Variants in FANCD2 observed in about 807,000 individuals in gnomAD.
The protein encoded by FANCD2 is Fanconi anemia group D2 protein.
Under a neutral mutation model 192.3 loss-of-function variants are expected in FANCD2, and 131 were observed. The observed-to-expected ratio is 0.68, with a 90% confidence interval of 0.59 to 0.79. FANCD2 has a LOEUF of 0.79. FANCD2 is among the 30% of genes least tolerant of loss of function. FANCD2 has a pLI of 0.00. For missense variants in FANCD2, 1,508 were observed against 1,701.6 expected (o/e 0.89, Z 2.00); for synonymous variants, 524 against 612.5 (o/e 0.86, Z 2.13).
chr3:10,087,098 C>G lies in FANCD2; in HGVS notation c.3336-36C>G, dbSNP rs751819584. On this transcript the variant is annotated intron_variant, in intron 33 of 43. Coordinates refer to ENST00000675286, the MANE Select transcript of FANCD2 (RefSeq NM_001018115.3). ...AAATATATCTGTGACACATAGGATA[C>G]TATTGCATTTGTTTGTTTTTCTTGT... The G allele has an allele frequency of 9.3e-6, 15 of 1,611,984 alleles. No individual in the cohort carries two copies. In the South Asian group the frequency reaches 1.4e-4, roughly 15 times the overall value.
At chr3:10,042,402 A>G (rs1426836208) in intron 10 of FANCD2, among the ~76,000 whole-genome samples, 157 bp from the exon 11 acceptor site, 1 of 152,228 alleles carries the variant, frequency 6.6e-6, no homozygotes, top group Non-Finnish European at 1.5e-5. Context: ...AAAAGATTCT[A>G]ATTTGGGGAA....
chr3:10,086,605 C>G (rs1694221824), intron 33 of FANCD2, among the ~76,000 whole-genome samples: 1 of 152,088 alleles, frequency 6.6e-6, no homozygotes, highest in Admixed American at 6.6e-5. Context: ...CCTCAGCCTC[C>G]CAAGACGCTG....
At position 10,036,086 on chromosome 3, in the gene FANCD2, C is replaced by CTTTTTTT. The variant is rs532765216; in HGVS notation, c.439-188_439-182dup. ...TAGTTGGAAAGAGAATTATACATTT[C>CTTTTTTT]TTTTTTTTTTTTTTTTTTTGAGTCA... On this transcript the variant is annotated intron_variant, in intron 6 of 43. Transcript: ENST00000675286. Among the ~76,000 whole-genome samples, 51 of 102,574 alleles carry CTTTTTTT rather than the reference C, an allele frequency of 5.0e-4. 3 individuals carry two copies. Among genetic ancestry groups the CTTTTTTT allele is most frequent in the African/African-American group, 1.2e-3 (29 of 23,984 alleles). The allele number at this position is 102,574 out of a possible 152,430, so 67.3% of individuals were successfully genotyped here.
intron 26 of FANCD2, among the ~76,000 whole-genome samples, chr3:10,071,778 G>T (rs1176204623): frequency 1.3e-5 from 2 of 152,144 alleles, no homozygotes; most frequent in Non-Finnish European, 2.9e-5. Context: ...TTGTATTTTT[G>T]AGATGGAGTC....
chr3:10,064,923 A>G (rs750088699), intron 23 of FANCD2, 48 bp downstream of exon 23: 9 of 1,602,744 alleles, frequency 5.6e-6, no homozygotes, highest in Non-Finnish European at 7.7e-6. Flanking sequence ...TTGAATGTTC[A>G]TGGGGAATTC....
chr3:10,034,585 A>C (rs2086684612), intron 4 of FANCD2, 49 bp downstream of exon 4: 2 of 1,546,776 alleles, frequency 1.3e-6, no homozygotes, highest in Non-Finnish European at 8.9e-7. Context: ...ATAACTCTAG[A>C]ATTTGGAATT....
At position 10,039,617 on chromosome 3, in the gene FANCD2, CTG is replaced by C. The variant is rs1372314672; in HGVS notation, c.571-100_571-99del. 1.3e-4 allele frequency: 164 copies of C among 1,282,136 alleles called. No homozygotes were observed. The East Asian group carries it at 2.2e-3, about 17-fold the overall frequency. The allele number at this position is 1,282,136 out of a possible 1,614,324, so 79.4% of individuals were successfully genotyped here. A position where few individuals can be genotyped will look rare whatever the true frequency, so the allele number is the denominator to read the frequency against. On this transcript the variant is annotated intron_variant, in intron 8 of 43. Coordinates refer to ENST00000675286, the MANE Select transcript of FANCD2 (RefSeq NM_001018115.3). ...TTTTTCAAAGTACAGAGATAAATGA[CTG>C]TGTTTATTTCTCAAATAATTTCAGC... is the stretch of plus-strand genomic sequence containing the variant.
At chr3:10,043,784 G>C in intron 13 of FANCD2, 45 bp from the exon 14 acceptor site, 1 of 1,583,174 alleles carries the variant, frequency 6.3e-7, no homozygotes. Flanking sequence ...AACGTGTTTC[G>C]CTGATGTGTC....
intron 17 of FANCD2, among the ~76,000 whole-genome samples, chr3:10,051,600 A>ATTG (rs756659525): frequency 0.064 from 9,697 of 152,152 alleles, 415 homozygotes; most frequent in Non-Finnish European, 0.096. Flanking sequence ...GTCGAGAAGC[A>ATTG]TCAAGGAGGA....
At chr3:10,091,712 T>C (rs1049251222) in intron 37 of FANCD2, among the ~76,000 whole-genome samples, 18 of 151,718 alleles carry the variant, frequency 1.2e-4, no homozygotes, top group African/African-American at 3.6e-4. Context: ...TAGGAACTCT[T>C]TGAAAAAAAA....
At chr3:10,037,333 T>G (rs964808469) in intron 7 of FANCD2, among the ~76,000 whole-genome samples, 20 of 152,286 alleles carry the variant, frequency 1.3e-4, no homozygotes, top group African/African-American at 4.6e-4. Context: ...TAAATGCATT[T>G]TTTCCTACTC....
At chr3:10,045,254 C>T (rs578180317) in intron 14 of FANCD2, among the ~76,000 whole-genome samples, 50 of 150,956 alleles carry the variant, frequency 3.3e-4, no homozygotes, top group African/African-American at 8.8e-4. Context: ...CTGCAAGCTC[C>T]GCCTCCTGGG....
intron 30 of FANCD2, among the ~76,000 whole-genome samples, chr3:10,078,448 G>A (rs571575156): frequency 1.3e-5 from 2 of 151,924 alleles, no homozygotes; most frequent in East Asian, 2.0e-4. Flanking sequence ...TCCGCCTCCC[G>A]GGTTCATGTC....
chr3:10,051,082 C>CA lies in FANCD2; in HGVS notation c.1546-1295dup, dbSNP rs61438880. On this transcript the variant is annotated intron_variant, in intron 17 of 43. Coordinates refer to ENST00000675286, the MANE Select transcript of FANCD2 (RefSeq NM_001018115.3). ...GCCTAGGCGAGAAGAGCGAAACTGT[C>CA]AAAAAAAAAAGAGTGAGGCCGGGCG... Among the ~76,000 whole-genome samples the CA allele has an allele frequency of 8.2e-4, 115 of 140,540 alleles. 1 individual carries two copies. Among genetic ancestry groups the CA allele is most frequent in the South Asian group, 4.5e-3 (20 of 4,466 alleles). The allele number at this position is 140,540 out of a possible 152,430, so 92.2% of individuals were successfully genotyped here.
chr3:10,067,394 CA>C, intron 26 of FANCD2, 77 bp downstream of exon 26: 2 of 819,374 alleles, frequency 2.4e-6, no homozygotes, highest in Non-Finnish European at 4.2e-6. Context: ...TCCCTGATAC[CA>C]AAACCAGACA....
chr3:10,087,069 A>G (rs1694249843), intron 33 of FANCD2, 65 bp from the exon 34 acceptor site: 2 of 1,581,414 alleles, frequency 1.3e-6, no homozygotes, highest in African/African-American at 2.7e-5. Context: ...CGTCATGTGG[A>G]TTTAAATATA....
At position 10,081,347 on chromosome 3, in the gene FANCD2, G is replaced by A; in HGVS notation, c.3107G>A (p.Cys1036Tyr). The A allele has an allele frequency of 1.2e-6, 2 of 1,613,582 alleles. No individual in the cohort carries two copies. The highest frequency in any genetic ancestry group is 1.7e-6 in the Non-Finnish European group (2 of 1,179,506). The change falls in exon 32 of 44, where the codon TGT becomes TAT. Residue 1036 changes from cysteine to tyrosine, a missense_variant and splice_region_variant. Around this residue, in one of 5 missense-constraint regions of FANCD2, gnomAD observed 796 missense variants for 879.4 expected, o/e 0.91. Transcript: ENST00000675286. ...TCCTAAAATCATTTTTATTTTTAGT[G>A]TTTAGCTGCTGAGAATCACGGTGTA... ...HLENIHNYFQ[C>Y]LAAENHGVVD...
At position 10,028,504 on chromosome 3, in the gene FANCD2, C is replaced by T. The variant is rs184930781; in HGVS notation, c.-33-121C>T. On this transcript the variant is annotated intron_variant, in intron 1 of 43. Coordinates refer to ENST00000675286, the MANE Select transcript of FANCD2 (RefSeq NM_001018115.3). ...TTGCTTAGCACCTAGGTTTAGGTAG[C>T]ATTAATATGGAGATGTGAGCCCCTC... 16 of 696,418 alleles carry T rather than the reference C, an allele frequency of 2.3e-5. No individual in the cohort carries two copies. In the East Asian group the frequency reaches 4.1e-4, roughly 18 times the overall value. 43.1% of individuals were successfully genotyped at this position (696,418 alleles called of 1,614,324 possible). A position where few individuals can be genotyped will look rare whatever the true frequency, so the allele number is the denominator to read the frequency against.
At chr3:10,038,883 T>C (rs1329593777) in intron 7 of FANCD2, among the ~76,000 whole-genome samples, 3 of 152,184 alleles carry the variant, frequency 2.0e-5, no homozygotes, top group Non-Finnish European at 4.4e-5. Flanking sequence ...ATCTGACTTA[T>C]GCTTGCCTTT....
Sources: allele counts gnomAD v4.1 joint callset (sites outside exome capture counted in the v4.1 genomes callset), GRCh38; gene constraint gnomAD v4.1.1; regional missense constraint gnomAD v4.1.1; transcripts MANE v1.5; gene names NCBI Gene and HGNC (gene_info 2026-07-23, HGNC 2026-07-21).